Variants in HTR7 observed in about 807,000 individuals in gnomAD.
HTR7 encodes the protein 5-HT-7.
In HTR7, 16 loss-of-function variants were observed where a neutral mutation model predicts 34.0. The ratio of observed to expected loss-of-function variants is 0.47; its 90% CI spans 0.32 to 0.71. The LOEUF is 0.71. HTR7 is among the 30% of genes least tolerant of loss of function. The probability of loss-of-function intolerance (pLI) is 0.04; values close to 1 mark genes in which losing one functional copy is unlikely to be tolerated. For synonymous variants in HTR7, 265 were observed against 260.2 expected (o/e 1.02, Z -0.18); for missense variants, 504 against 625.5 (o/e 0.81, Z 2.07).
intron 1 of HTR7, among the ~76,000 whole-genome samples, chr10:90,755,605 T>C (rs1161851192): frequency 6.6e-6 from 1 of 152,150 alleles, no homozygotes; most frequent in East Asian, 1.9e-4. Context: ...TCACCAAACA[T>C]ATCAAAAGGT....
intron 1 of HTR7, among the ~76,000 whole-genome samples, chr10:90,757,699 A>C (rs1429832603): frequency 2.0e-5 from 3 of 152,232 alleles, no homozygotes; most frequent in Non-Finnish European, 4.4e-5. Flanking sequence ...TAGGGTTTAA[A>C]TAAACAACTC....
intron 1 of HTR7, among the ~76,000 whole-genome samples, chr10:90,846,766 C>T (rs1846418660): frequency 6.6e-6 from 1 of 152,200 alleles, no homozygotes; most frequent in South Asian, 2.1e-4. Flanking sequence ...GTAAGGGAGG[C>T]TAAGAAATGC....
At chr10:90,779,651 T>A (rs1224829977) in intron 1 of HTR7, among the ~76,000 whole-genome samples, 18 of 152,190 alleles carry the variant, frequency 1.2e-4, no homozygotes. Flanking sequence ...ACTCCTACAA[T>A]GCCCAGGCCA....
At chr10:90,801,181 G>A (rs1770112855) in intron 1 of HTR7, among the ~76,000 whole-genome samples, 1 of 152,212 alleles carries the variant, frequency 6.6e-6, no homozygotes, top group Non-Finnish European at 1.5e-5. Flanking sequence ...TAAGGAGCTG[G>A]TTTGGGGTTT....
intron 1 of HTR7, among the ~76,000 whole-genome samples, chr10:90,756,074 G>C (rs1307356253): frequency 1.3e-5 from 2 of 152,200 alleles, no homozygotes; most frequent in Non-Finnish European, 2.9e-5. Flanking sequence ...CAACATGGAT[G>C]ATTTTCACAA....
chr10:90,800,166 G>A (rs1338671609), intron 1 of HTR7, among the ~76,000 whole-genome samples: 1 of 151,852 alleles, frequency 6.6e-6, no homozygotes, highest in African/African-American at 2.4e-5. Flanking sequence ...AGTGTGGTGT[G>A]AATGTGAAAA....
At chr10:90,799,802 T>C (rs1424642493) in intron 1 of HTR7, among the ~76,000 whole-genome samples, 3 of 152,192 alleles carry the variant, frequency 2.0e-5, no homozygotes, top group Non-Finnish European at 4.4e-5. Context: ...CATTGTATTA[T>C]CCCTAGCTTT....
chr10:90,772,617 G>C (rs1010494332), intron 1 of HTR7, among the ~76,000 whole-genome samples: 9 of 152,206 alleles, frequency 5.9e-5, no homozygotes, highest in African/African-American at 2.2e-4. Context: ...AAGTGTGTGT[G>C]TGTGGTGAGG....
At chr10:90,801,505 C>A (rs1382208567) in intron 1 of HTR7, among the ~76,000 whole-genome samples, 2 of 152,188 alleles carry the variant, frequency 1.3e-5, no homozygotes, top group African/African-American at 4.8e-5. Flanking sequence ...TAATTTGGAT[C>A]TAGGAAAGAT....
chr10:90,746,669 C>G (rs1164350984), intron 2 of HTR7, among the ~76,000 whole-genome samples: 1 of 152,152 alleles, frequency 6.6e-6, no homozygotes, highest in Non-Finnish European at 1.5e-5. Flanking sequence ...AAATAGCCTA[C>G]TTATCAAGAC....
chr10:90,766,934 C>T (rs375467283), intron 1 of HTR7, among the ~76,000 whole-genome samples: 22 of 152,266 alleles, frequency 1.4e-4, no homozygotes, highest in African/African-American at 3.1e-4. Context: ...CTTCCTGTTG[C>T]GATCTCTAGT....
chr10:90,753,537 A>G (rs1034881557), intron 1 of HTR7, among the ~76,000 whole-genome samples: 5 of 152,354 alleles, frequency 3.3e-5, no homozygotes, highest in Non-Finnish European at 5.9e-5. Flanking sequence ...AAAAGCAATC[A>G]TTCTATTACG....
At chr10:90,836,326 T>A (rs1846251444) in intron 1 of HTR7, among the ~76,000 whole-genome samples, 1 of 152,052 alleles carries the variant, frequency 6.6e-6, no homozygotes. Flanking sequence ...CAGCAAGCCC[T>A]CCCATTCAAA....
chr10:90,792,988 T>C (rs1845482871), intron 1 of HTR7, among the ~76,000 whole-genome samples: 1 of 152,112 alleles, frequency 6.6e-6, no homozygotes, highest in African/African-American at 2.4e-5. Context: ...AACATTGGAT[T>C]TGACAATGAC....
intron 1 of HTR7, among the ~76,000 whole-genome samples, chr10:90,850,037 G>A (rs1846474426): frequency 6.6e-6 from 1 of 152,230 alleles, no homozygotes; most frequent in Non-Finnish European, 1.5e-5. Context: ...GCAGAGAGTT[G>A]CTAATAAGGG....
intron 1 of HTR7, among the ~76,000 whole-genome samples, chr10:90,753,393 G>A (rs1257791835): frequency 2.0e-5 from 3 of 150,988 alleles, no homozygotes; most frequent in Admixed American, 2.0e-4. Flanking sequence ...GAGAGAGAGA[G>A]AAAGAAACTA....
intron 1 of HTR7, among the ~76,000 whole-genome samples, chr10:90,843,328 T>C (rs903919425): frequency 2.6e-5 from 4 of 152,194 alleles, no homozygotes; most frequent in Admixed American, 1.3e-4. Context: ...GTACAGATGA[T>C]CCCATAAATC....
rs544879634 is a variant in HTR7 at position 90,816,054 on chromosome 10, T to A, written c.539+41079A>T. Reference sequence around the variant, plus strand: ...TAAAATGGAAATGGTTTATATAGGATGATGCCATCTGGAGTGTACAACGAG... The same window carrying A: ...TAAAATGGAAATGGTTTATATAGGAAGATGCCATCTGGAGTGTACAACGAG... On this transcript the variant is annotated intron_variant, in intron 1 of 3. Coordinates refer to ENST00000336152, the MANE Select transcript of HTR7 (RefSeq NM_019859.4). 2.2e-3 allele frequency among the ~76,000 whole-genome samples: 337 copies of A among 152,318 alleles called. 1 individual carries two copies. Among genetic ancestry groups the A allele is most frequent in the Middle Eastern group, 0.01 (3 of 294 alleles).
chr10:90,787,905 G>A (rs981182036), intron 1 of HTR7, among the ~76,000 whole-genome samples: 1 of 151,812 alleles, frequency 6.6e-6, no homozygotes, highest in Non-Finnish European at 1.5e-5. Context: ...TGCTATTTCT[G>A]TATAACAATA....
Sources: gnomAD v4.1 joint callset for allele counts (sites outside exome capture counted in the v4.1 genomes callset) on GRCh38, gnomAD v4.1.1 for gene constraint, MANE v1.5 for transcripts, NCBI Gene and HGNC (gene_info 2026-07-23, HGNC 2026-07-21) for gene names.